Variants in SLC8A1 observed in about 807,000 individuals in gnomAD.
SLC8A1 encodes the protein solute carrier family 8 member A1, also known as sodium/calcium exchanger 1.
A neutral mutation model predicts 68.3 loss-of-function variants in SLC8A1; 18 were observed. The observed-to-expected ratio is 0.26, with a 90% CI of 0.18 to 0.39. The LOEUF is 0.39. Among genes scored for constraint, SLC8A1 ranks in the 10% least tolerant of loss-of-function variants. The pLI is 1.00. For synonymous variants in SLC8A1, 475 were observed against 415.5 expected (o/e 1.14, Z -1.74); for missense variants, 985 against 1,156.7 (o/e 0.85, Z 2.15).
At chr2:40,240,980 C>T (rs934556013) in intron 2 of SLC8A1, among the ~76,000 whole-genome samples, 1 of 152,172 alleles carries the variant, frequency 6.6e-6, no homozygotes, top group Non-Finnish European at 1.5e-5. Context: ...CTATTCAACC[C>T]AGCAATCCCA....
chr2:40,102,679 T>A (rs949767523), exon 8 of SLC8A1: 2 of 152,152 alleles, frequency 1.3e-5, no homozygotes, highest in Non-Finnish European at 2.9e-5. Context: ...AACAAGCACC[T>A]GCCACTGATT....
At chr2:40,310,559 C>T (rs13005761) in intron 2 of SLC8A1, among the ~76,000 whole-genome samples, 30,860 of 152,094 alleles carry the variant, frequency 0.2, 3,621 homozygotes, top group East Asian at 0.37. Context: ...TGCCCTGACT[C>T]AGGCCATGTG....
intron 2 of SLC8A1, among the ~76,000 whole-genome samples, chr2:40,190,926 T>C (rs1368124377): frequency 1.3e-5 from 2 of 151,228 alleles, no homozygotes; most frequent in African/African-American, 2.4e-5. Context: ...GGTCAATAAC[T>C]GTGTGTGTGG....
At chr2:40,445,177 G>T (rs1184648878) in intron 1 of SLC8A1, among the ~76,000 whole-genome samples, 1 of 152,090 alleles carries the variant, frequency 6.6e-6, no homozygotes, top group Admixed American at 6.6e-5. Context: ...GATGAAGAAA[G>T]TAAACACGGA....
At chr2:40,235,973 TATA>T (rs2060308713) in intron 2 of SLC8A1, among the ~76,000 whole-genome samples, 1 of 151,530 alleles carries the variant, frequency 6.6e-6, no homozygotes, top group Admixed American at 6.6e-5. Flanking sequence ...GATAGTTTGT[TATA>T]ATTTCTGTTC....
rs1683620802 is a variant in SLC8A1 at position 40,386,591 on chromosome 2, G to A, written c.1808+41882C>T. 2.0e-5 allele frequency among the ~76,000 whole-genome samples: 2 copies of A among 102,388 alleles called. 1 individual carries two copies. Among genetic ancestry groups the A allele is most frequent in the African/African-American group, 6.2e-5 (2 of 32,260 alleles). 67.2% of individuals were successfully genotyped at this position (102,388 alleles called of 152,430 possible). ...TTTATGATATACAAAGCAAGGTATT[G>A]GGTCTAATTACTTGATGAAATTTAA... On this transcript the variant is annotated intron_variant, in intron 2 of 7. Transcript: ENST00000406785.
intron 2 of SLC8A1, among the ~76,000 whole-genome samples, chr2:40,354,166 T>A (rs1249801299): frequency 6.6e-6 from 1 of 152,216 alleles, no homozygotes; most frequent in Non-Finnish European, 1.5e-5. Flanking sequence ...TAGAAATATA[T>A]GAGTGCCTTT....
chr2:40,157,905 G>T (rs429228), intron 6 of SLC8A1, among the ~76,000 whole-genome samples: 147,393 of 152,242 alleles, frequency 0.97, 71,517 homozygotes, highest in Non-Finnish European at 1. Context: ...GAACTGGGTT[G>T]GCAGAATCAT....
At chr2:40,418,655 T>A (rs1012384523) in intron 2 of SLC8A1, among the ~76,000 whole-genome samples, 3 of 152,210 alleles carry the variant, frequency 2.0e-5, no homozygotes, top group Admixed American at 2.0e-4. Context: ...CTTCCCCTAG[T>A]AATGCACAGC....
chr2:40,459,798 C>T (rs562762513), intron 1 of SLC8A1, among the ~76,000 whole-genome samples: 2 of 152,140 alleles, frequency 1.3e-5, no homozygotes, highest in Non-Finnish European at 2.9e-5. Flanking sequence ...GTGCTGCTTT[C>T]TATGGGTCCA....
chr2:40,384,932 A>G (rs1477004), intron 2 of SLC8A1, among the ~76,000 whole-genome samples: 111,537 of 151,950 alleles, frequency 0.73, 42,319 homozygotes, highest in African/African-American at 0.93. Context: ...CAAGGATTGC[A>G]TAATCAAGGT....
intron 2 of SLC8A1, among the ~76,000 whole-genome samples, chr2:40,215,757 T>A (rs987170404): frequency 1.9e-4 from 29 of 152,160 alleles, no homozygotes; most frequent in African/African-American, 7.0e-4. Flanking sequence ...CAATGTAGTG[T>A]TGGCATTACA....
chr2:40,352,163 C>T (rs1671299420), intron 2 of SLC8A1, among the ~76,000 whole-genome samples: 1 of 152,020 alleles, frequency 6.6e-6, no homozygotes, highest in Non-Finnish European at 1.5e-5. Context: ...CATTCATAGG[C>T]GTTCATAGAG....
At chr2:40,422,751 A>C (rs1328676559) in intron 2 of SLC8A1, among the ~76,000 whole-genome samples, 2 of 152,156 alleles carry the variant, frequency 1.3e-5, no homozygotes, top group Non-Finnish European at 2.9e-5. Context: ...TAAAGTACTA[A>C]CAATATTTTA....
chr2:40,252,336 TTTGA>T (rs887063315), intron 2 of SLC8A1, among the ~76,000 whole-genome samples: 3 of 152,074 alleles, frequency 2.0e-5, no homozygotes, highest in Admixed American at 6.6e-5. Flanking sequence ...ACATTTGTAT[TTTGA>T]TTGATTGATT....
At chr2:40,299,768 C>G (rs1241097758) in intron 2 of SLC8A1, among the ~76,000 whole-genome samples, 1 of 152,158 alleles carries the variant, frequency 6.6e-6, no homozygotes, top group East Asian at 1.9e-4. Context: ...AGAGTTTCAG[C>G]ATAATAATCC....
intron 1 of SLC8A1, among the ~76,000 whole-genome samples, chr2:40,474,480 GTTTTAATGTCAGCTTCCCC>G (rs1277899708): frequency 3.3e-5 from 5 of 152,072 alleles, no homozygotes; most frequent in Non-Finnish European, 5.9e-5. Context: ...ACTTCCTAAG[GTTTTAATGTCAGCTTCCCC>G]TTTTAATGTC....
intron 2 of SLC8A1, among the ~76,000 whole-genome samples, chr2:40,349,624 A>G (rs1670429667): frequency 6.6e-6 from 1 of 152,154 alleles, no homozygotes; most frequent in Non-Finnish European, 1.5e-5. Context: ...AATAGCTGAA[A>G]AGCATTTAGC....
chr2:40,400,078 C>G (rs997255554), intron 2 of SLC8A1, among the ~76,000 whole-genome samples: 2 of 152,168 alleles, frequency 1.3e-5, no homozygotes, highest in African/African-American at 4.8e-5. Flanking sequence ...CCGCTGCTTG[C>G]TCAATCGATC....
Sources: gnomAD v4.1 joint callset for allele counts (sites outside exome capture counted in the v4.1 genomes callset) on GRCh38, gnomAD v4.1.1 for gene constraint, MANE v1.5 for transcripts, NCBI Gene and HGNC (gene_info 2026-07-23, HGNC 2026-07-21) for gene names.